Variants in WWOX observed in about 807,000 individuals in gnomAD.
WWOX encodes the protein WW domain-containing oxidoreductase.
Under a neutral mutation model 46.2 loss-of-function variants are expected in WWOX, and 69 were observed. That is an observed-to-expected ratio of 1.49 (90% CI 1.23 to 1.82). The LOEUF (loss-of-function observed/expected upper bound fraction) is 1.82. Ranked by LOEUF, WWOX falls within the 40% of genes most tolerant of loss-of-function variation. WWOX has a pLI of 0.00. For missense variants in WWOX, 919 were observed against 542.6 expected (o/e 1.69, Z -6.89); for synonymous variants, 359 against 202.6 (o/e 1.77, Z -6.56).
intron 8 of WWOX, among the ~76,000 whole-genome samples, chr16:78,717,407 A>G (rs537762252): frequency 1.4e-4 from 22 of 152,182 alleles, no homozygotes; most frequent in Admixed American, 3.3e-4. Context: ...TGACTTATAG[A>G]CTGAGCTCCT....
intron 8 of WWOX, among the ~76,000 whole-genome samples, chr16:78,709,732 G>A (rs1597474577): frequency 8.5e-6 from 1 of 117,810 alleles, no homozygotes; most frequent in Admixed American, 9.9e-5. Context: ...GCAACAGTAA[G>A]CATTTTTTTT....
At position 78,767,901 on chromosome 16, in the gene WWOX, C is replaced by T. The variant is rs1209229338; in HGVS notation, c.1056+335149C>T. Among the ~76,000 whole-genome samples, 10 of 152,162 alleles carry T rather than the reference C, an allele frequency of 6.6e-5. No individual in the cohort carries two copies. The South Asian group carries it at 2.1e-3, about 32-fold the overall frequency. On this transcript the variant is annotated intron_variant, in intron 8 of 8. Transcript: ENST00000566780. ...TTGATACTCACATGGCTTTTTGGTT[C>T]TATTTTTGCTTTCTTTTGGCTAATG...
intron 8 of WWOX, among the ~76,000 whole-genome samples, chr16:79,201,325 G>T (rs1266404528): frequency 6.8e-6 from 1 of 148,032 alleles, no homozygotes; most frequent in African/African-American, 2.5e-5. Flanking sequence ...TGAATAGAGA[G>T]GGTTTCCTTT....
At chr16:78,285,676 T>C (rs2151857347) in intron 5 of WWOX, among the ~76,000 whole-genome samples, 2 of 152,300 alleles carry the variant, frequency 1.3e-5, no homozygotes, top group South Asian at 2.1e-4. Flanking sequence ...GACTCTCGGA[T>C]GCTTGGTTTT....
intron 4 of WWOX, among the ~76,000 whole-genome samples, chr16:78,115,899 C>T (rs1445939251): frequency 6.6e-6 from 1 of 152,200 alleles, no homozygotes; most frequent in Non-Finnish European, 1.5e-5. Context: ...TTGCATTTGG[C>T]TGTCTTCTGT....
At chr16:78,911,350 G>A (rs184337209) in intron 8 of WWOX, among the ~76,000 whole-genome samples, 2 of 152,084 alleles carry the variant, frequency 1.3e-5, no homozygotes, top group Admixed American at 6.6e-5. Flanking sequence ...TTTGTAAACT[G>A]TACCCTCCTG....
intron 8 of WWOX, among the ~76,000 whole-genome samples, chr16:78,572,270 G>A (rs1433684044): frequency 6.6e-6 from 1 of 152,170 alleles, no homozygotes; most frequent in Non-Finnish European, 1.5e-5. Context: ...CATCAACACA[G>A]AAGAATCTCA....
intron 5 of WWOX, among the ~76,000 whole-genome samples, chr16:78,220,372 A>G (rs2036849458): frequency 6.6e-6 from 1 of 150,436 alleles, no homozygotes; most frequent in Non-Finnish European, 1.5e-5. Flanking sequence ...TTATTTATTC[A>G]CTTTCAGTCA....
chr16:78,459,264 G>T (rs771348413), intron 8 of WWOX, among the ~76,000 whole-genome samples: 154 of 152,180 alleles, frequency 1.0e-3, no homozygotes, highest in Non-Finnish European at 1.1e-3. Flanking sequence ...GAAAGAGAGT[G>T]GTGTAATGCC....
Position 78,380,292 on chromosome 16 carries a change from T to A in WWOX, c.517-6568T>A, listed in dbSNP as rs2081926215. Reference sequence around the variant, plus strand: ...ATGGAATATGGAATAGCAATTGAAATCTTGCGTTGGGCTGAATCATGGCTT... The same window carrying A: ...ATGGAATATGGAATAGCAATTGAAAACTTGCGTTGGGCTGAATCATGGCTT... On this transcript the variant is annotated intron_variant, in intron 5 of 8. Coordinates refer to ENST00000566780, the MANE Select transcript of WWOX (RefSeq NM_016373.4). 2.6e-5 allele frequency among the ~76,000 whole-genome samples: 4 copies of A among 152,182 alleles called. No homozygotes were observed. In the South Asian group the frequency reaches 8.3e-4, roughly 32 times the overall value.
At chr16:78,772,967 G>C (rs1037212480) in intron 8 of WWOX, among the ~76,000 whole-genome samples, 12 of 152,218 alleles carry the variant, frequency 7.9e-5, no homozygotes, top group African/African-American at 2.4e-5. Flanking sequence ...TGAGGCTGCA[G>C]AAAGCTGTCA....
In WWOX at chr16:78,939,605, C is replaced by A. The variant is rs1293228017; in HGVS notation, c.1057-272003C>A. Reference sequence around the variant, plus strand: ...TGGCTACTGAAATGGCTTAGAATGCCATTTTATCACATGGTCAAATTATTC... The same window carrying A: ...TGGCTACTGAAATGGCTTAGAATGCAATTTTATCACATGGTCAAATTATTC... On this transcript the variant is annotated intron_variant, in intron 8 of 8. Transcript: ENST00000566780. Among the ~76,000 whole-genome samples the A allele has an allele frequency of 2.0e-5, 3 of 152,128 alleles. No individual in the cohort carries two copies. The South Asian group carries it at 6.2e-4, about 32-fold the overall frequency.
chr16:79,194,472 TCA>T (rs1266398968), intron 8 of WWOX, among the ~76,000 whole-genome samples: 1 of 152,134 alleles, frequency 6.6e-6, no homozygotes, highest in Non-Finnish European at 1.5e-5. Context: ...GGTTATGAAC[TCA>T]CAGAGGAAGT....
intron 8 of WWOX, among the ~76,000 whole-genome samples, chr16:78,744,059 C>T (rs1299340020): frequency 1.3e-5 from 2 of 152,176 alleles, no homozygotes; most frequent in African/African-American, 4.8e-5. Context: ...ACGCCCTCCT[C>T]CAGTAACATA....
chr16:78,757,029 G>T (rs77718657), intron 8 of WWOX: 1 of 702,876 alleles, frequency 1.4e-6, no homozygotes, highest in East Asian at 2.7e-5. Context: ...AGTGAACCAC[G>T]TTCGAAGTTG....
intron 8 of WWOX, among the ~76,000 whole-genome samples, chr16:79,192,116 C>G (rs1489471125): frequency 2.6e-5 from 4 of 152,168 alleles, no homozygotes; most frequent in Admixed American, 2.6e-4. Flanking sequence ...GTAGTTAACA[C>G]CTCGTGTAAT....
At chr16:79,045,813 T>TGAGATGGAG in intron 8 of WWOX, among the ~76,000 whole-genome samples, 1 of 101,274 alleles carries the variant, frequency 9.9e-6, no homozygotes, top group African/African-American at 4.9e-5. Flanking sequence ...TTTTTTTTTT[T>TGAGATGGAG]TTTTTTGAGA....
chr16:78,242,211 T>C (rs1004260239), intron 5 of WWOX, among the ~76,000 whole-genome samples: 4 of 152,248 alleles, frequency 2.6e-5, no homozygotes, highest in Non-Finnish European at 4.4e-5. Context: ...ACAGCCACTT[T>C]GTAATACCTG....
chr16:78,874,344 C>T (rs2044190905), intron 8 of WWOX, among the ~76,000 whole-genome samples: 1 of 151,716 alleles, frequency 6.6e-6, no homozygotes, highest in Admixed American at 6.6e-5. Context: ...CCTGAACAGA[C>T]ATGATCTTGG....
Sources: gnomAD v4.1 joint callset for allele counts (sites outside exome capture counted in the v4.1 genomes callset) on GRCh38, gnomAD v4.1.1 for gene constraint, MANE v1.5 for transcripts, NCBI Gene and HGNC (gene_info 2026-07-23, HGNC 2026-07-21) for gene names.